The following WNT9B variants were observed in gnomAD, a reference collection of about 807,000 sequenced individuals.
WNT9B encodes the protein Wnt family member 9B.
WNT9B carries 12 observed loss-of-function variants against 30.2 expected under a neutral mutation model. That is an observed-to-expected ratio of 0.40 (90% confidence interval 0.26 to 0.64). The LOEUF (loss-of-function observed/expected upper bound fraction) is 0.64, where lower values mean the gene tolerates loss of function less well. Among genes scored for constraint, WNT9B ranks in the 30% least tolerant of loss-of-function variants. WNT9B has a pLI of 0.42. For synonymous variants in WNT9B, 218 were observed against 216.9 expected (o/e 1.01, Z -0.05); for missense variants, 442 against 485.2 (o/e 0.91, Z 0.84).
intron 1 of WNT9B, among the ~76,000 whole-genome samples, chr17:46,845,212 A>G (rs1201177285): frequency 6.6e-6 from 1 of 152,130 alleles, no homozygotes; most frequent in Non-Finnish European, 1.5e-5. Context: ...TTTCTGTTGT[A>G]AAACACCCCA....
intron 1 of WNT9B, among the ~76,000 whole-genome samples, chr17:46,843,010 G>T (rs1455031946): frequency 6.6e-6 from 1 of 152,198 alleles, no homozygotes; most frequent in Non-Finnish European, 1.5e-5. Flanking sequence ...GCAACCTCAG[G>T]TAAATTATCC....
upstream of WNT9B, among the ~76,000 whole-genome samples, chr17:46,850,370 A>AGCTCAAAGAG (rs1428793564): frequency 2.0e-5 from 3 of 152,128 alleles, no homozygotes; most frequent in African/African-American, 7.2e-5. Context: ...AGAGAAACTG[A>AGCTCAAAGAG]GCTCAAAGAG....
chr17:46,842,145 G>A (rs924372255), intron 1 of WNT9B, among the ~76,000 whole-genome samples: 1 of 152,330 alleles, frequency 6.6e-6, no homozygotes, highest in Non-Finnish European at 1.5e-5. Flanking sequence ...GGGATTAAAG[G>A]CTTGGGAAGT....
At chr17:46,867,700 G>C (rs151167540) in intron 1 of WNT9B, among the ~76,000 whole-genome samples, 1 of 151,646 alleles carries the variant, frequency 6.6e-6, no homozygotes, top group Non-Finnish European at 1.5e-5. Context: ...TTGTGGGTGG[G>C]GTGTGTGTTG....
intron 1 of WNT9B, among the ~76,000 whole-genome samples, chr17:46,837,371 A>C (rs1230002892): frequency 6.6e-6 from 1 of 152,190 alleles, no homozygotes; most frequent in Non-Finnish European, 1.5e-5. Flanking sequence ...GATGCTTCTT[A>C]GGCAGAATTT....
Position 46,875,194 on chromosome 17 carries a change from G to A in WNT9B, c.428G>A (p.Cys143Tyr). ...RACSAGRMER[C>Y]TCDDSPGLES... is the part of the protein sequence containing the mutation. ...TGCAGCGCTGGGCGCATGGAGCGCT[G>A]CACCTGTGATGACTCTCCGGGGCTG... Residue 143 changes from cysteine (C) to tyrosine (Y), a missense_variant, in exon 3 of 4, where the codon TGC becomes TAC. Physicochemically the swap from Cys to Tyr is radical, Grantham distance 194. Transcript: ENST00000290015. The A allele has an allele frequency of 6.2e-7, 1 of 1,614,138 alleles. No individual in the cohort carries two copies. The highest frequency in any genetic ancestry group is 8.5e-7 in the Non-Finnish European group (1 of 1,180,044).
At position 46,874,998 on chromosome 17, in the gene WNT9B, C is replaced by G. The variant is rs765100282; in HGVS notation, c.335-103C>G. On this transcript the variant is annotated intron_variant, in intron 2 of 3. Coordinates refer to ENST00000290015, the MANE Select transcript of WNT9B (RefSeq NM_003396.3). ...TGTCCTGCCCATCACAGCGCTGCCA[C>G]CACCGCCTCTGGCCCTCAGAGGGCG... The G allele has an allele frequency of 8.2e-6, 13 of 1,580,218 alleles. No homozygotes were observed. The African/African-American group carries it at 1.8e-4, about 21-fold the overall frequency.
rs1310968217 is a variant in WNT9B at position 46,879,275 on chromosome 17, G to A, written c.*2557G>A. Among the ~76,000 whole-genome samples, 4 of 152,162 alleles carry A rather than the reference G, an allele frequency of 2.6e-5. No homozygotes were observed. The highest frequency in any genetic ancestry group is 4.4e-5 in the Non-Finnish European group (3 of 68,038). ...CGGGTCCCCCACTGAGCAGGAGGCC[G>A]GGTCGCTGGGAAGGAGGACAAACCT... On this transcript the variant is annotated 3_prime_UTR_variant, in exon 4 of 4. Coordinates refer to ENST00000290015, the MANE Select transcript of WNT9B (RefSeq NM_003396.3).
At chr17:46,834,306 G>C (rs1191528546) in intron 1 of WNT9B, among the ~76,000 whole-genome samples, 2 of 152,332 alleles carry the variant, frequency 1.3e-5, no homozygotes, top group Admixed American at 1.3e-4. Flanking sequence ...CCTGGGCAGT[G>C]GCTGGAGAAG....
At chr17:46,882,785 T>C (rs559933053), downstream of WNT9B, among the ~76,000 whole-genome samples, 2 of 152,180 alleles carry the variant, frequency 1.3e-5, no homozygotes, top group South Asian at 4.2e-4. Flanking sequence ...CTAGATGCCA[T>C]GGTAATGAGA....
In WNT9B at chr17:46,880,171, C is replaced by G. The variant is rs146697945; in HGVS notation, c.*3453C>G. Among the ~76,000 whole-genome samples the G allele has an allele frequency of 2.6e-5, 4 of 152,312 alleles. No individual in the cohort carries two copies. The highest frequency in any genetic ancestry group is 3.4e-3 in the Middle Eastern group (1 of 294). ...AGTGCCCCCGTTGCTCATGGATGCC[C>G]CTGCCTGCCTCTCATGAGCACATAG... On this transcript the variant is annotated 3_prime_UTR_variant, in exon 4 of 4. Coordinates refer to ENST00000290015, the MANE Select transcript of WNT9B (RefSeq NM_003396.3).
At position 46,854,062 on chromosome 17, in the gene WNT9B, G is replaced by T. The variant is rs535424540; in HGVS notation, c.77+2347G>T. ...CAGGTCAGGAGCCCAGCTGGAAAGAGCTGACAAAAGACACAAAAGCCACCA... is the reference window on the plus strand; with the variant it reads ...CAGGTCAGGAGCCCAGCTGGAAAGATCTGACAAAAGACACAAAAGCCACCA... On this transcript the variant is annotated intron_variant, in intron 1 of 3. Coordinates refer to ENST00000290015, the MANE Select transcript of WNT9B (RefSeq NM_003396.3). Among the ~76,000 whole-genome samples the T allele has an allele frequency of 6.6e-5, 10 of 152,280 alleles. No individual in the cohort carries two copies. In the East Asian group the frequency reaches 1.9e-3, roughly 29 times the overall value.
At chr17:46,846,887 A>G (rs1414127436), upstream of WNT9B, among the ~76,000 whole-genome samples, 3 of 152,140 alleles carry the variant, frequency 2.0e-5, no homozygotes, top group African/African-American at 7.2e-5. Context: ...CCAAGATAGG[A>G]CAGGGGCCCT....
chr17:46,862,886 T>C (rs1276103569), intron 1 of WNT9B, among the ~76,000 whole-genome samples: 2 of 152,178 alleles, frequency 1.3e-5, no homozygotes, highest in African/African-American at 4.8e-5. Flanking sequence ...GTACCAGGCC[T>C]AAGCTGAGTT....
rs2085369763 is a variant in WNT9B, at chr17:46,877,847, G to C, written c.*1129G>C. Among the ~76,000 whole-genome samples the C allele has an allele frequency of 6.6e-6, 1 of 152,198 alleles. No homozygotes were observed. Among genetic ancestry groups the C allele is most frequent in the Non-Finnish European group, 1.5e-5 (1 of 68,026 alleles). On this transcript the variant is annotated 3_prime_UTR_variant, in exon 4 of 4. Coordinates refer to ENST00000290015, the MANE Select transcript of WNT9B (RefSeq NM_003396.3). Reference sequence around the variant, plus strand: ...CCTGGCTGGGGTTATAGGTGCTTGAGTCCTTGCTAAGCCTGGCTCCTGGGT... The same window carrying C: ...CCTGGCTGGGGTTATAGGTGCTTGACTCCTTGCTAAGCCTGGCTCCTGGGT...
At chr17:46,880,718 G>A (rs965444343), downstream of WNT9B, among the ~76,000 whole-genome samples, 24 of 152,138 alleles carry the variant, frequency 1.6e-4, no homozygotes, top group African/African-American at 5.8e-4. Flanking sequence ...TCCAAAGTAT[G>A]GGATTTTTTT....
intron 2 of WNT9B, among the ~76,000 whole-genome samples, chr17:46,873,086 TCACA>T (rs61118325): frequency 0.18 from 25,467 of 139,598 alleles, 2,613 homozygotes; most frequent in Middle Eastern, 0.29. Flanking sequence ...CTCTGCCTCT[TCACA>T]CACACACACA....
At chr17:46,867,358 T>C (rs1051370604) in intron 1 of WNT9B, among the ~76,000 whole-genome samples, 1 of 152,266 alleles carries the variant, frequency 6.6e-6, no homozygotes, top group Non-Finnish European at 1.5e-5. Flanking sequence ...AGGTGGGATT[T>C]GAACCCAGGC....
At chr17:46,882,987 T>A (rs1174052526), downstream of WNT9B, among the ~76,000 whole-genome samples, 1 of 149,992 alleles carries the variant, frequency 6.7e-6, no homozygotes, top group African/African-American at 2.4e-5. Flanking sequence ...TGATCCCCAT[T>A]TTTTTTTTTG....
Sources: gnomAD v4.1 joint callset for allele counts (sites outside exome capture counted in the v4.1 genomes callset) on GRCh38, gnomAD v4.1.1 for gene constraint, MANE v1.5 for transcripts, NCBI Gene and HGNC (gene_info 2026-07-23, HGNC 2026-07-21) for gene names.